The following SBNO1 variants were observed in gnomAD, a reference collection of about 807,000 sequenced individuals.
The protein encoded by SBNO1 is strawberry notch homolog 1.
A neutral mutation model predicts 173.6 loss-of-function variants in SBNO1; 23 were observed. That is an observed-to-expected ratio of 0.13 (90% CI 0.10 to 0.19). The LOEUF is 0.19. Among genes scored for constraint, SBNO1 ranks in the 10% least tolerant of loss-of-function variants. SBNO1 has a pLI of 1.00. For synonymous variants in SBNO1, 632 were observed against 571.5 expected, an observed-to-expected ratio of 1.11 and a Z score of -1.51; for missense variants, 1,238 against 1,671.2, an observed-to-expected ratio of 0.74 and a Z score of 4.52.
chr12:123,362,264 G>T (rs1322668412), intron 1 of SBNO1, among the ~76,000 whole-genome samples: 1 of 151,016 alleles, frequency 6.6e-6, no homozygotes, highest in Non-Finnish European at 1.5e-5. Flanking sequence ...GTGAAACCCC[G>T]TCTCTACTAA....
At chr12:123,362,334 G>GCAC (rs1402260496) in intron 1 of SBNO1, among the ~76,000 whole-genome samples, 1 of 150,310 alleles carries the variant, frequency 6.7e-6, no homozygotes, top group Admixed American at 6.7e-5. Flanking sequence ...TACTTGGGAG[G>GCAC]CTGAGGCAGG....
At chr12:123,308,541 A>G (rs774938655) in intron 28 of SBNO1, among the ~76,000 whole-genome samples, 65 of 151,768 alleles carry the variant, frequency 4.3e-4, no homozygotes, top group Non-Finnish European at 3.4e-4. Flanking sequence ...GCGTGGTGGC[A>G]GGCGCCTGTA....
intron 13 of SBNO1, among the ~76,000 whole-genome samples, chr12:123,327,061 A>G (rs993811456): frequency 2.6e-5 from 4 of 152,148 alleles, no homozygotes; most frequent in African/African-American, 9.7e-5. Context: ...GCTGGAGTGC[A>G]CTGGCACCAT....
rs570508419 is a variant in SBNO1, at chr12:123,294,605, C to T, written c.*1303G>A. 73 of 115,400 alleles carry T rather than the reference C, an allele frequency of 6.3e-4. No homozygotes were observed. The highest frequency in any genetic ancestry group is 9.9e-4 in the Non-Finnish European group (64 of 64,628). The allele number at this position is 115,400 out of a possible 1,614,324, so 7.1% of individuals were successfully genotyped here. ...GCTTTTTACCAGGTTTATACAATCT[C>T]GATTTTTCAATAGTGCAACCTGTGG... On this transcript the variant is annotated 3_prime_UTR_variant, in exon 32 of 32. Transcript: ENST00000602398.
chr12:123,333,028 G>A (rs1431286132), intron 7 of SBNO1, among the ~76,000 whole-genome samples: 1 of 152,084 alleles, frequency 6.6e-6, no homozygotes, highest in East Asian at 1.9e-4. Flanking sequence ...GGAGGCTGAG[G>A]CAGAAGAATG....
chr12:123,353,552 A>T (rs1294807927), intron 1 of SBNO1, among the ~76,000 whole-genome samples: 4 of 152,188 alleles, frequency 2.6e-5, no homozygotes, highest in African/African-American at 9.6e-5. Context: ...TTAACAGGAG[A>T]AATGTCCCAA....
At chr12:123,309,431 C>T (rs1290002178) in intron 27 of SBNO1, 29 bp from the exon 28 acceptor site, 1 of 1,605,660 alleles carries the variant, frequency 6.2e-7, no homozygotes, top group East Asian at 2.2e-5. Flanking sequence ...AATTTAAACT[C>T]ATTTCTGTAA....
In SBNO1 at chr12:123,328,743, G is replaced by A. The variant is rs752615753; in HGVS notation, c.1287C>T (p.Phe429=). 64 of 1,550,608 alleles carry A rather than the reference G, an allele frequency of 4.1e-5. No individual in the cohort carries two copies. Among genetic ancestry groups the A allele is most frequent in the Admixed American group, 5.7e-5 (3 of 52,882 alleles). The part of the protein sequence containing the change: ...KQLLHWCGDD[F]DGVIVFDECH... ...TTGCCATAAAGGATACCACTCCATCGAAGTCATCACCGCACCAATGCAGAA... is the reference window on the plus strand; with the variant it reads ...TTGCCATAAAGGATACCACTCCATCAAAGTCATCACCGCACCAATGCAGAA... The change falls in exon 10 of 32, where the codon TTC becomes TTT. Residue 429 remains phenylalanine (F), a synonymous_variant. Coordinates refer to ENST00000602398, the MANE Select transcript of SBNO1 (RefSeq NM_001167856.3).
At chr12:123,341,119 A>G in intron 4 of SBNO1, 31 bp from the exon 5 acceptor site, 1 of 1,268,548 alleles carries the variant, frequency 7.9e-7, no homozygotes, top group African/African-American at 1.5e-5. Flanking sequence ...TTACATTTAG[A>G]AGAAAATTCT....
At chr12:123,319,447 G>T (rs191841726) in intron 20 of SBNO1, among the ~76,000 whole-genome samples, 1 of 152,204 alleles carries the variant, frequency 6.6e-6, no homozygotes, top group Admixed American at 6.5e-5. Flanking sequence ...TAGCTCTGTT[G>T]CACAGGCTGG....
chr12:123,316,370 A>G (rs1869268774), intron 21 of SBNO1, among the ~76,000 whole-genome samples: 1 of 152,008 alleles, frequency 6.6e-6, no homozygotes, highest in Non-Finnish European at 1.5e-5. Context: ...GATTACAGGC[A>G]TGCACCACCA....
chr12:123,305,094 T>G (rs1271228402), intron 28 of SBNO1, among the ~76,000 whole-genome samples: 1 of 152,204 alleles, frequency 6.6e-6, no homozygotes, highest in African/African-American at 2.4e-5. Flanking sequence ...ATGTTAACAG[T>G]GGAATCCAGG....
intron 2 of SBNO1, among the ~76,000 whole-genome samples, chr12:123,348,402 T>G (rs1873474976): frequency 6.6e-6 from 1 of 152,094 alleles, no homozygotes; most frequent in Non-Finnish European, 1.5e-5. Context: ...GGTGGGCGGA[T>G]CATGAGGTCA....
chr12:123,307,655 G>A (rs143964210), intron 28 of SBNO1, among the ~76,000 whole-genome samples: 4 of 152,326 alleles, frequency 2.6e-5, no homozygotes, highest in East Asian at 3.9e-4. Flanking sequence ...GCCAGGCAGC[G>A]TGGTTCACAC....
chr12:123,344,613 C>T (rs1872906873), intron 4 of SBNO1, among the ~76,000 whole-genome samples: 1 of 152,156 alleles, frequency 6.6e-6, no homozygotes, highest in Non-Finnish European at 1.5e-5. Context: ...CTTTGGGAGG[C>T]TAAGGTGGGC....
chr12:123,356,948 C>T (rs1874530300), intron 1 of SBNO1, among the ~76,000 whole-genome samples: 1 of 152,064 alleles, frequency 6.6e-6, no homozygotes, highest in African/African-American at 2.4e-5. Flanking sequence ...ATGTCTGATT[C>T]GAGATTCAGC....
At chr12:123,328,661 G>A in intron 10 of SBNO1, 73 bp downstream of exon 10, 2 of 1,175,152 alleles carry the variant, frequency 1.7e-6, no homozygotes, top group Non-Finnish European at 2.3e-6. Flanking sequence ...CAAGATTCCT[G>A]TTTCCCAAAG....
intron 6 of SBNO1, among the ~76,000 whole-genome samples, chr12:123,335,106 G>A (rs994941142): frequency 6.6e-6 from 1 of 152,186 alleles, no homozygotes; most frequent in Non-Finnish European, 1.5e-5. Context: ...CAGGAGGATT[G>A]CTTGAGCCTT....
rs373457708 is a variant in SBNO1 at position 123,315,184 on chromosome 12, T to C, written c.3120+189A>G. On this transcript the variant is annotated intron_variant, in intron 23 of 31. Coordinates refer to ENST00000602398, the MANE Select transcript of SBNO1 (RefSeq NM_001167856.3). ...TCCAAAAGGAATAAAGACAACTACA[T>C]TGCTGTACTGATACTTAACATGCGA... is the stretch of plus-strand genomic sequence containing the variant. Among the ~76,000 whole-genome samples, 5 of 152,322 alleles carry C rather than the reference T, an allele frequency of 3.3e-5. No homozygotes were observed. In the South Asian group the frequency reaches 6.2e-4, roughly 19 times the overall value.
Sources: gnomAD v4.1 joint callset for allele counts (sites outside exome capture counted in the v4.1 genomes callset) on GRCh38, gnomAD v4.1.1 for gene constraint, MANE v1.5 for transcripts, NCBI Gene and HGNC (gene_info 2026-07-23, HGNC 2026-07-21) for gene names.